Variants in DOCK4 observed in about 807,000 individuals in gnomAD.
DOCK4 encodes the protein dedicator of cytokinesis protein 4.
Under a neutral mutation model 268.1 loss-of-function variants are expected in DOCK4, and 97 were observed. The observed-to-expected ratio is 0.36, with a 90% CI of 0.31 to 0.43. DOCK4 has a LOEUF of 0.43. Ranked by LOEUF, DOCK4 falls within the 20% of genes least tolerant of loss-of-function variation. The probability of loss-of-function intolerance (pLI) is 1.00; values close to 1 mark genes in which losing one functional copy is unlikely to be tolerated. For synonymous variants in DOCK4, 954 were observed against 887.2 expected, an observed-to-expected ratio of 1.08 and a Z score of -1.34; for missense variants, 2,145 against 2,455.7, an observed-to-expected ratio of 0.87 and a Z score of 2.67.
At chr7:112,204,753 C>A (rs1233189595) in intron 1 of DOCK4, among the ~76,000 whole-genome samples, 1 of 151,256 alleles carries the variant, frequency 6.6e-6, no homozygotes, top group Non-Finnish European at 1.5e-5. Context: ...AAAAAAAAAA[C>A]AAAAATCCCC....
At chr7:112,001,616 G>GAA (rs34876210) in intron 2 of DOCK4, among the ~76,000 whole-genome samples, 4 of 151,106 alleles carry the variant, frequency 2.6e-5, no homozygotes, top group East Asian at 1.9e-4. Context: ...AATAAGGAAA[G>GAA]AAAAAAAAAT....
chr7:111,983,863 C>CACACACACACAG (rs1562961271), intron 7 of DOCK4, among the ~76,000 whole-genome samples: 23 of 75,378 alleles, frequency 3.1e-4, no homozygotes, highest in African/African-American at 1.3e-3. Context: ...CGCGCGCGCG[C>CACACACACACAG]ACACACACAC....
chr7:112,121,155 T>C (rs570471941), intron 1 of DOCK4, among the ~76,000 whole-genome samples: 88 of 152,270 alleles, frequency 5.8e-4, no homozygotes, highest in African/African-American at 1.7e-3. Flanking sequence ...ACTAAATAAC[T>C]CTCTTATCAT....
At chr7:111,860,617 C>T (rs1026753088) in intron 23 of DOCK4, among the ~76,000 whole-genome samples, 4 of 152,120 alleles carry the variant, frequency 2.6e-5, no homozygotes, top group African/African-American at 9.7e-5. Context: ...TCCTTTTCCA[C>T]GCCACCATAT....
At chr7:111,815,611 TTTCC>T (rs1161375354) in intron 27 of DOCK4, among the ~76,000 whole-genome samples, 5 of 151,094 alleles carry the variant, frequency 3.3e-5, no homozygotes, top group Non-Finnish European at 7.4e-5. Context: ...CATTTATTTA[TTTCC>T]TTCCTTCCTT....
chr7:112,017,247 T>C (rs187734100), intron 1 of DOCK4, among the ~76,000 whole-genome samples: 4 of 152,316 alleles, frequency 2.6e-5, no homozygotes, highest in Admixed American at 6.5e-5. Flanking sequence ...ATTTTAACTA[T>C]TAAAATCTTA....
Position 112,206,249 on chromosome 7 carries a change from C to T in DOCK4, c.-111G>A, listed in dbSNP as rs1821400147. On this transcript the variant is annotated 5_prime_UTR_variant, in exon 1 of 53. Transcript: ENST00000428084. The stretch of plus-strand genomic sequence containing the variant: ...CTGCAGTGCCGGAGCCCAGCGGCTT[C>T]GCGCGGGCTGCGGGCGCTGGGCAGG... The T allele has an allele frequency of 3.1e-6, 4 of 1,271,122 alleles. No homozygotes were observed. The South Asian group carries it at 3.9e-5, about 12-fold the overall frequency. The allele number at this position is 1,271,122 out of a possible 1,614,324, so 78.7% of individuals were successfully genotyped here.
At chr7:112,192,851 C>A (rs1291164355) in intron 1 of DOCK4, among the ~76,000 whole-genome samples, 1 of 151,854 alleles carries the variant, frequency 6.6e-6, no homozygotes, top group African/African-American at 2.4e-5. Flanking sequence ...AAAATATGCC[C>A]TTATGCTTGT....
At chr7:111,912,260 T>A (rs1287405839) in intron 13 of DOCK4, among the ~76,000 whole-genome samples, 21 of 152,232 alleles carry the variant, frequency 1.4e-4, no homozygotes, top group Admixed American at 1.4e-3. Context: ...TTAGAAGACC[T>A]CATTTAAAAC....
intron 13 of DOCK4, among the ~76,000 whole-genome samples, chr7:111,903,450 C>T (rs1366445829): frequency 6.6e-6 from 1 of 152,148 alleles, no homozygotes; most frequent in Non-Finnish European, 1.5e-5. Flanking sequence ...AGGAGAAAAG[C>T]AACATATTTC....
At position 112,180,649 on chromosome 7, in the gene DOCK4, T is replaced by G. The variant is rs552802382; in HGVS notation, c.37+25453A>C. On this transcript the variant is annotated intron_variant, in intron 1 of 52. Transcript: ENST00000428084. ...ATGACGACAGCATGAGCTCCCTGCC[T>G]GTAGATATATATATGTCTGAATGAG... 8.5e-5 allele frequency among the ~76,000 whole-genome samples: 13 copies of G among 152,210 alleles called. 1 individual carries two copies. The South Asian group carries it at 2.3e-3, about 27-fold the overall frequency.
At chr7:111,861,267 C>A (rs985509046) in intron 23 of DOCK4, among the ~76,000 whole-genome samples, 4 of 151,908 alleles carry the variant, frequency 2.6e-5, no homozygotes, top group South Asian at 2.1e-4. Context: ...TGGGAGAAAT[C>A]GGAAGGTTGA....
At chr7:112,058,850 A>C (rs1806092495) in intron 1 of DOCK4, among the ~76,000 whole-genome samples, 1 of 151,876 alleles carries the variant, frequency 6.6e-6, no homozygotes, top group Non-Finnish European at 1.5e-5. Context: ...ACTGTCCTGA[A>C]AACTGGTCTT....
intron 45 of DOCK4, 68 bp downstream of exon 45, chr7:111,741,945 C>G: frequency 6.6e-7 from 1 of 1,505,620 alleles, no homozygotes; most frequent in East Asian, 2.3e-5. Context: ...TTGGATACAT[C>G]ATCATCCCTT....
At chr7:111,990,490 T>C (rs29470) in intron 5 of DOCK4, among the ~76,000 whole-genome samples, 1 of 151,990 alleles carries the variant, frequency 6.6e-6, no homozygotes, top group Non-Finnish European at 1.5e-5. Flanking sequence ...AAAGACATTC[T>C]GTCATCACGT....
chr7:111,741,465 T>TAAAG (rs2133438623), intron 46 of DOCK4, 75 bp downstream of exon 46: 1 of 1,563,880 alleles, frequency 6.4e-7, no homozygotes, highest in East Asian at 2.3e-5. Context: ...AATTGTGCCA[T>TAAAG]AAAGAATGAG....
At chr7:112,147,083 CCAG>C (rs1815580533) in intron 1 of DOCK4, among the ~76,000 whole-genome samples, 1 of 151,854 alleles carries the variant, frequency 6.6e-6, no homozygotes, top group Non-Finnish European at 1.5e-5. Context: ...TTATATTAAT[CCAG>C]ATATTAAAAT....
chr7:112,112,154 G>A (rs927319307), intron 1 of DOCK4, among the ~76,000 whole-genome samples: 4 of 152,130 alleles, frequency 2.6e-5, no homozygotes, highest in Admixed American at 1.3e-4. Flanking sequence ...TGGGCTTAGT[G>A]GGCTGGGCTT....
chr7:112,115,745 G>A (rs944294589), intron 1 of DOCK4, among the ~76,000 whole-genome samples: 6 of 152,074 alleles, frequency 3.9e-5, no homozygotes, highest in African/African-American at 9.7e-5. Flanking sequence ...GCAGTGGTGC[G>A]ATCATAGGTC....
Sources: allele counts gnomAD v4.1 joint callset (sites outside exome capture counted in the v4.1 genomes callset), GRCh38; gene constraint gnomAD v4.1.1; transcripts MANE v1.5; gene names NCBI Gene and HGNC (gene_info 2026-07-23, HGNC 2026-07-21).